The following ZNF546 variants were observed in gnomAD, a reference collection of about 807,000 sequenced individuals.
ZNF546 encodes zinc finger protein 546, also known as CTC-471F3.6.
A neutral mutation model predicts 76.2 loss-of-function variants in ZNF546; 60 were observed. The ratio of observed to expected loss-of-function variants is 0.79; its 90% CI spans 0.64 to 0.98. The LOEUF (loss-of-function observed/expected upper bound fraction) is 0.98, where lower values mean the gene tolerates loss of function less well. ZNF546 is among the 50% of genes least tolerant of loss of function. The probability of loss-of-function intolerance (pLI) is 0.00; values close to 1 mark genes in which losing one functional copy is unlikely to be tolerated. For synonymous variants in ZNF546, 277 were observed against 328.1 expected, an observed-to-expected ratio of 0.84 and a Z score of 1.68; for missense variants, 936 against 1,035.6, an observed-to-expected ratio of 0.90 and a Z score of 1.32.
At chr19:40,007,486 A>C in intron 5 of ZNF546, 86 bp downstream of exon 5, 3 of 1,313,280 alleles carry the variant, frequency 2.3e-6, no homozygotes, top group Non-Finnish European at 3.0e-6. Flanking sequence ...CTGTTTTAAG[A>C]GGCTGACTGA....
Position 40,020,839 on chromosome 19 carries a change from A to T in ZNF546, c.*5058A>T, listed in dbSNP as rs1291557541. On this transcript the variant is annotated 3_prime_UTR_variant, in exon 7 of 7. Coordinates refer to ENST00000347077, the MANE Select transcript of ZNF546 (RefSeq NM_178544.5). ...TATGCTGGGAAAGGAAGTGAATTGT[A>T]TATTGCTCTGCTGCTCACATATTCC... is the stretch of plus-strand genomic sequence containing the variant. 1.3e-5 allele frequency: 2 copies of T among 152,168 alleles called. No homozygotes were observed. Among genetic ancestry groups the T allele is most frequent in the African/African-American group, 4.8e-5 (2 of 41,458 alleles). The allele number at this position is 152,168 out of a possible 1,614,324, so 9.4% of individuals were successfully genotyped here.
rs375569376 is a variant in ZNF546 at position 40,008,526 on chromosome 19, T to C, written c.355T>C (p.Trp119Arg). 2.4e-5 allele frequency: 39 copies of C among 1,612,880 alleles called. No individual in the cohort carries two copies. Among genetic ancestry groups the C allele is most frequent in the Non-Finnish European group, 3.1e-5 (36 of 1,179,226 alleles). Residue 119 changes from tryptophan to arginine, a missense_variant, in exon 6 of 7, where the codon TGG becomes CGG. Coordinates refer to ENST00000347077, the MANE Select transcript of ZNF546 (RefSeq NM_178544.5). ...TTTATTGGAGCAAGAGAAAGAGCCCTGGATAGTAATGAGGGAAGGGACAAG... is the reference window on the plus strand; with the variant it reads ...TTTATTGGAGCAAGAGAAAGAGCCCCGGATAGTAATGAGGGAAGGGACAAG... ...ITLLEQEKEP[W>R]IVMREGTRNW...
chr19:39,998,642 G>T, intron 3 of ZNF546: 1 of 494,346 alleles, frequency 2.0e-6, no homozygotes, highest in Non-Finnish European at 3.6e-6. Context: ...ATAGAAATCT[G>T]TGTGAACATG....
intron 6 of ZNF546, chr19:40,011,131 GTTAAT>G (rs1257901959): frequency 1.3e-5 from 2 of 152,144 alleles, no homozygotes; most frequent in East Asian, 1.9e-4. Flanking sequence ...ATTTGATTAA[GTTAAT>G]TTATCACATT....
chr19:39,998,918 G>A (rs192661216), intron 3 of ZNF546, among the ~76,000 whole-genome samples: 2 of 151,864 alleles, frequency 1.3e-5, no homozygotes, highest in Non-Finnish European at 2.9e-5. Flanking sequence ...GATTACAGGC[G>A]CCTGCCACCA....
At chr19:39,998,452 T>C (rs1212123382) in intron 3 of ZNF546, 42 bp downstream of exon 3, 3 of 1,511,618 alleles carry the variant, frequency 2.0e-6, no homozygotes, top group Admixed American at 3.3e-5. Context: ...TAAAACTTTG[T>C]TTTATTGAGA....
Position 40,018,729 on chromosome 19 carries a change from A to T in ZNF546, c.*2948A>T, listed in dbSNP as rs1302448006. On this transcript the variant is annotated 3_prime_UTR_variant, in exon 7 of 7. Transcript: ENST00000347077. ...TGCTATGAAGATGCCAAGTAATCAC[A>T]TAGAAAAGCTAAGTAAAGCTGTCCT... 1.3e-5 allele frequency: 2 copies of T among 152,264 alleles called. No individual in the cohort carries two copies. The highest frequency in any genetic ancestry group is 2.4e-5 in the African/African-American group (1 of 41,462). 9.4% of individuals were successfully genotyped at this position (152,264 alleles called of 1,614,324 possible).
In ZNF546 at chr19:40,015,092, C is replaced by T. The variant is rs1435611307; in HGVS notation, c.1822C>T (p.Pro608Ser). ...TTTTAAAATTCATACTGGTGAAAAA[C>T]CCTACATATGTAATGAATGTGGGAA... ...QHFKIHTGEK[P>S]YICNECGKAF... The change falls in exon 7 of 7, where the codon CCC becomes TCC. Residue 608 changes from proline to serine, a missense_variant. Coordinates refer to ENST00000347077, the MANE Select transcript of ZNF546 (RefSeq NM_178544.5). 6.2e-7 allele frequency: 1 copy of T among 1,614,034 alleles called. No individual in the cohort carries two copies. Among genetic ancestry groups the T allele is most frequent in the African/African-American group, 1.3e-5 (1 of 75,028 alleles).
chr19:40,013,852 T>G lies in ZNF546; in HGVS notation c.582T>G (p.Ser194Arg). 1 of 1,609,364 alleles carries G rather than the reference T, an allele frequency of 6.2e-7. No homozygotes were observed. Among genetic ancestry groups the G allele is most frequent in the Non-Finnish European group, 8.5e-7 (1 of 1,178,318 alleles). ...RQERHQMGCV[S>R]QMLIQKQISH... ...AGAGACATCAGATGGGATGCGTTAG[T>G]CAAATGCTAATCCAAAAACAAATAT... Residue 194 changes from serine (S) to arginine (R), a missense_variant, in exon 7 of 7, where the codon AGT (serine) becomes AGG (arginine). Transcript: ENST00000347077.
In ZNF546 at chr19:40,014,010, G is replaced by A; in HGVS notation, c.740G>A (p.Cys247Tyr). 1 of 1,612,564 alleles carries A rather than the reference G, an allele frequency of 6.2e-7. No homozygotes were observed. Among genetic ancestry groups the A allele is most frequent in the Non-Finnish European group, 8.5e-7 (1 of 1,178,980 alleles). Residue 247 changes from cysteine to tyrosine, a missense_variant, in exon 7 of 7, where the codon TGT becomes TAT. By Grantham distance (194) the Cys-to-Tyr change is radical (BLOSUM62 -2). Coordinates refer to ENST00000347077, the MANE Select transcript of ZNF546 (RefSeq NM_178544.5). The part of the protein sequence containing the change: ...RIHTGERPYK[C>Y]MECGKAFCRV... ...CACACTGGTGAGAGACCCTATAAAT[G>A]TATGGAATGTGGAAAGGCCTTTTGT...
At position 39,998,276 on chromosome 19, in the gene ZNF546, G is replaced by T. The variant is rs372621440; in HGVS notation, c.-51G>T. On this transcript the variant is annotated 5_prime_UTR_variant, in exon 3 of 7. An upstream open reading frame in the 5' UTR loses its in-frame stop. Transcript: ENST00000347077. ...ATGGAAACATTGCTTTGCTTTTCCTGAATTGTCCAGTGACCTATCCCAGGC... is the reference window on the plus strand; with the variant it reads ...ATGGAAACATTGCTTTGCTTTTCCTTAATTGTCCAGTGACCTATCCCAGGC... The T allele has an allele frequency of 3.0e-4, 426 of 1,411,060 alleles. 2 individuals are homozygous for T. In the African/African-American group the frequency reaches 5.5e-3, roughly 18 times the overall value. The allele number at this position is 1,411,060 out of a possible 1,614,324, so 87.4% of individuals were successfully genotyped here.
At position 39,998,352 on chromosome 19, in the gene ZNF546, G is replaced by T. The variant is rs1971481929; in HGVS notation, c.26G>T (p.Gly9Val). Residue 9 changes from glycine to valine, a missense_variant, in exon 3 of 7, where the codon GGG becomes GTG. Transcript: ENST00000347077. MQVDPPLH[G>V]PPNDFLIFQI... ...ATGCAGGTGGACCCTCCTCTTCACG[G>T]GCCTCCAAATGACTTTCTCATTTTT... 1.2e-6 allele frequency: 2 copies of T among 1,614,064 alleles called. No homozygotes were observed. Among genetic ancestry groups the T allele is most frequent in the Non-Finnish European group, 1.7e-6 (2 of 1,180,004 alleles).
chr19:40,013,961 T>G lies in ZNF546; in HGVS notation c.691T>G (p.Tyr231Asp), dbSNP rs763384311. 2.5e-6 allele frequency: 4 copies of G among 1,612,916 alleles called. No individual in the cohort carries two copies. The Admixed American group carries it at 6.7e-5, about 27-fold the overall frequency. Residue 231 changes from tyrosine (Y) to aspartate (D), a missense_variant, in exon 7 of 7, where the codon TAC becomes GAC. Tyr to Asp is a radical substitution (Grantham distance 160, BLOSUM62 -3). Transcript: ENST00000347077. The stretch of plus-strand genomic sequence containing the variant: ...TAGAAAGGCCTTTAGACAACAGTCA[T>G]ACCTTATTCAACATCTGAGAATTCA... ...ECRKAFRQQS[Y>D]LIQHLRIHTG...
intron 6 of ZNF546, 24 bp downstream of exon 6, chr19:40,008,589 G>C: frequency 6.3e-7 from 1 of 1,588,808 alleles, no homozygotes; most frequent in Non-Finnish European, 8.6e-7. Context: ...AATTAGGCGG[G>C]AGGGTGCTAT....
chr19:39,997,631 GTGTGGGCAGCTGCATGTT>G (rs1971471815), intron 1 of ZNF546, among the ~76,000 whole-genome samples: 2 of 152,208 alleles, frequency 1.3e-5, no homozygotes, highest in African/African-American at 4.8e-5. Context: ...TGGAGCCGCT[GTGTGGGCAGCTGCATGTT>G]TCAGAACCAC....
chr19:40,017,899 T>G lies in ZNF546; in HGVS notation c.*2118T>G, dbSNP rs1378681927. On this transcript the variant is annotated 3_prime_UTR_variant, in exon 7 of 7. Coordinates refer to ENST00000347077, the MANE Select transcript of ZNF546 (RefSeq NM_178544.5). ...CAGGAACCAAATTCATGAATTACAT[T>G]TGTGCATTGTTCGTCTCTTTTAAAG... 6.6e-6 allele frequency: 1 copy of G among 152,188 alleles called. No individual in the cohort carries two copies. The highest frequency in any genetic ancestry group is 1.9e-4 in the East Asian group (1 of 5,194). The allele number at this position is 152,188 out of a possible 1,614,324, so 9.4% of individuals were successfully genotyped here.
intron 6 of ZNF546, among the ~76,000 whole-genome samples, chr19:40,009,485 T>A (rs1971644813): frequency 6.6e-6 from 1 of 152,240 alleles, no homozygotes; most frequent in Admixed American, 6.5e-5. Flanking sequence ...TGTCAATTTT[T>A]ATAACATTTT....
Position 40,008,529 on chromosome 19 carries a change from A to G in ZNF546, c.358A>G (p.Ile120Val). ...ATTGGAGCAAGAGAAAGAGCCCTGG[A>G]TAGTAATGAGGGAAGGGACAAGGAA... is the stretch of plus-strand genomic sequence containing the variant. ...TLLEQEKEPW[I>V]VMREGTRNWF... is the part of the protein sequence containing the mutation. Residue 120 changes from isoleucine (I) to valine (V), a missense_variant, in exon 6 of 7, where the codon ATA becomes GTA. By Grantham distance (29) the Ile-to-Val change is conservative. Coordinates refer to ENST00000347077, the MANE Select transcript of ZNF546 (RefSeq NM_178544.5). The G allele has an allele frequency of 1.9e-6, 3 of 1,613,280 alleles. No individual in the cohort carries two copies. Among genetic ancestry groups the G allele is most frequent in the Non-Finnish European group, 2.5e-6 (3 of 1,179,394 alleles).
At chr19:39,997,825 A>G in intron 1 of ZNF546, 36 bp from the exon 2 acceptor site, 1 of 158,258 alleles carries the variant, frequency 6.3e-6, no homozygotes, top group Non-Finnish European at 1.4e-5. Flanking sequence ...TCTCATGATT[A>G]TTTTTCTTCC....
Sources: gnomAD v4.1 joint callset for allele counts (sites outside exome capture counted in the v4.1 genomes callset) on GRCh38, gnomAD v4.1.1 for gene constraint, MANE v1.5 for transcripts, NCBI Gene and HGNC (gene_info 2026-07-23, HGNC 2026-07-21) for gene names.